OLA1: variants seen among roughly 807,000 people sequenced by gnomAD.
The protein encoded by OLA1 is Obg like ATPase 1.
Under a neutral mutation model 48.4 loss-of-function variants are expected in OLA1, and 14 were observed. The observed-to-expected ratio is 0.29, with a 90% CI of 0.19 to 0.45. The LOEUF is 0.45. Ranked by LOEUF, OLA1 falls within the 20% of genes least tolerant of loss-of-function variation. The probability of loss-of-function intolerance (pLI) is 1.00; values close to 1 mark genes in which losing one functional copy is unlikely to be tolerated. For synonymous variants in OLA1, 127 were observed against 150.4 expected, an observed-to-expected ratio of 0.84 and a Z score of 1.14; for missense variants, 325 against 467.1, an observed-to-expected ratio of 0.70 and a Z score of 2.80.
rs192178335 is a variant in OLA1, at chr2:174,112,393, A to G, written c.728+10787T>C. The stretch of plus-strand genomic sequence containing the variant: ...CAAGCTTGTTGGGAATCTTAAATAT[A>G]ACTGGCATAAGGTCAAGTGTGAAGT... On this transcript the variant is annotated intron_variant, in intron 7 of 10. Coordinates refer to ENST00000284719, the MANE Select transcript of OLA1 (RefSeq NM_013341.5). Among the ~76,000 whole-genome samples the G allele has an allele frequency of 1.9e-4, 29 of 152,308 alleles. No homozygotes were observed. The East Asian group carries it at 5.6e-3, about 29-fold the overall frequency.
chr2:174,185,883 T>C (rs1333681572), intron 4 of OLA1, among the ~76,000 whole-genome samples: 1 of 152,106 alleles, frequency 6.6e-6, no homozygotes, highest in East Asian at 1.9e-4. Context: ...ACCAAGATCA[T>C]GCCATTGCAC....
At chr2:174,131,474 C>T (rs1156762557) in intron 5 of OLA1, among the ~76,000 whole-genome samples, 1 of 151,952 alleles carries the variant, frequency 6.6e-6, no homozygotes, top group African/African-American at 2.4e-5. Flanking sequence ...GAGTATATAC[C>T]TAAGACTGGA....
intron 4 of OLA1, among the ~76,000 whole-genome samples, chr2:174,203,626 T>C (rs1050804695): frequency 6.6e-6 from 1 of 151,808 alleles, no homozygotes; most frequent in African/African-American, 2.4e-5. Flanking sequence ...AACAGTTCTA[T>C]TCTCGGGACT....
At chr2:174,100,060 T>C (rs1685355524) in intron 7 of OLA1, among the ~76,000 whole-genome samples, 1 of 152,216 alleles carries the variant, frequency 6.6e-6, no homozygotes, top group South Asian at 2.1e-4. Context: ...GCTGCATAAG[T>C]GTTTAATGTA....
chr2:174,111,824 C>T (rs1685658111), intron 7 of OLA1, among the ~76,000 whole-genome samples: 1 of 152,008 alleles, frequency 6.6e-6, no homozygotes, highest in African/African-American at 2.4e-5. Flanking sequence ...AACAAATACA[C>T]AAATAAAACA....
intron 7 of OLA1, among the ~76,000 whole-genome samples, chr2:174,103,950 G>T (rs750718619): frequency 6.6e-6 from 1 of 152,086 alleles, no homozygotes; most frequent in African/African-American, 2.4e-5. Context: ...ATCGTAGGGG[G>T]AAGTGGTATG....
chr2:174,223,307 C>A, intron 3 of OLA1, 147 bp from the exon 4 acceptor site: 1 of 729,312 alleles, frequency 1.4e-6, no homozygotes. Context: ...CCACCCCTCC[C>A]CCCAAAAAAA....
chr2:174,168,150 T>C (rs889500012), intron 4 of OLA1, among the ~76,000 whole-genome samples: 1 of 152,188 alleles, frequency 6.6e-6, no homozygotes, highest in Admixed American at 6.5e-5. Flanking sequence ...ATGGTCTTTC[T>C]GTCCTAGAGA....
At chr2:174,155,559 TC>T (rs1380533926) in intron 4 of OLA1, among the ~76,000 whole-genome samples, 3 of 152,248 alleles carry the variant, frequency 2.0e-5, no homozygotes, top group African/African-American at 7.2e-5. Context: ...TATCTCTTCA[TC>T]CCTGAATTGC....
intron 2 of OLA1, among the ~76,000 whole-genome samples, chr2:174,244,628 A>AT (rs1374221682): frequency 1.6e-4 from 24 of 150,744 alleles, no homozygotes; most frequent in Non-Finnish European, 2.1e-4. Flanking sequence ...ATTAAAAAAA[A>AT]ATTTTTTTTT....
chr2:174,220,709 T>C (rs552487929), intron 4 of OLA1, among the ~76,000 whole-genome samples: 40 of 152,306 alleles, frequency 2.6e-4, no homozygotes, highest in African/African-American at 8.4e-4. Flanking sequence ...TTTGCAACAA[T>C]GTATATATTT....
intron 4 of OLA1, among the ~76,000 whole-genome samples, chr2:174,201,484 G>A (rs189578370): frequency 6.6e-6 from 1 of 152,204 alleles, no homozygotes; most frequent in Non-Finnish European, 1.5e-5. Context: ...GAGTAACTGA[G>A]ACTACAGGCA....
chr2:174,175,359 G>C (rs79158224), intron 4 of OLA1, among the ~76,000 whole-genome samples: 1 of 141,282 alleles, frequency 7.1e-6, no homozygotes, highest in Non-Finnish European at 1.5e-5. Context: ...ACTTGACAAA[G>C]AACTTGTATC....
chr2:174,098,886 T>C (rs1352025982), intron 7 of OLA1, among the ~76,000 whole-genome samples: 1 of 152,224 alleles, frequency 6.6e-6, no homozygotes, highest in Admixed American at 6.5e-5. Flanking sequence ...TGTATTTACC[T>C]GTGATGTGGC....
chr2:174,150,989 G>A lies in OLA1; in HGVS notation c.374-8989C>T, dbSNP rs543093489. Among the ~76,000 whole-genome samples the A allele has an allele frequency of 1.1e-4, 17 of 152,288 alleles. No individual in the cohort carries two copies. The East Asian group carries it at 3.3e-3, about 29-fold the overall frequency. ...TCAGATAAAAAATAAAATTTGAAAT[G>A]AACAAAGCTTACTGGAGAGTTGATC... On this transcript the variant is annotated intron_variant, in intron 4 of 10. Transcript: ENST00000284719.
At chr2:174,114,899 G>A (rs765521381) in intron 7 of OLA1, among the ~76,000 whole-genome samples, 2 of 152,116 alleles carry the variant, frequency 1.3e-5, no homozygotes, top group South Asian at 4.1e-4. Flanking sequence ...AGAGGCCAAG[G>A]CACGTGGATC....
chr2:174,163,289 G>A (rs552967708), intron 4 of OLA1, among the ~76,000 whole-genome samples: 5 of 152,164 alleles, frequency 3.3e-5, no homozygotes, highest in Admixed American at 3.3e-4. Flanking sequence ...AAATGGTAGT[G>A]AAAATAGAAT....
intron 4 of OLA1, among the ~76,000 whole-genome samples, chr2:174,152,765 C>T (rs1366154972): frequency 1.3e-5 from 2 of 152,130 alleles, no homozygotes; most frequent in African/African-American, 4.8e-5. Context: ...GTGGGTTGTA[C>T]TGATTTACAA....
At chr2:174,139,702 T>G (rs929214085) in intron 5 of OLA1, among the ~76,000 whole-genome samples, 4 of 151,834 alleles carry the variant, frequency 2.6e-5, no homozygotes, top group Non-Finnish European at 5.9e-5. Flanking sequence ...CCGTCTCTAC[T>G]AAAAATACAA....
Sources: allele counts gnomAD v4.1 joint callset (sites outside exome capture counted in the v4.1 genomes callset), GRCh38; gene constraint gnomAD v4.1.1; transcripts MANE v1.5; gene names NCBI Gene and HGNC (gene_info 2026-07-23, HGNC 2026-07-21).